SH3RF3: variants seen among roughly 807,000 people sequenced by gnomAD.
SH3RF3 encodes SH3 domain containing ring finger 3.
SH3RF3 carries 29 observed loss-of-function variants against 66.3 expected under a neutral mutation model. The observed-to-expected ratio is 0.44, with a 90% CI of 0.33 to 0.60. The LOEUF (loss-of-function observed/expected upper bound fraction) is 0.60, where lower values mean the gene tolerates loss of function less well. Among genes scored for constraint, SH3RF3 ranks in the 20% least tolerant of loss-of-function variants. The probability of loss-of-function intolerance (pLI) is 0.04; values close to 1 mark genes in which losing one functional copy is unlikely to be tolerated. For synonymous variants in SH3RF3, 583 were observed against 532.0 expected, an observed-to-expected ratio of 1.10 and a Z score of -1.32; for missense variants, 1,194 against 1,190.9, an observed-to-expected ratio of 1.00 and a Z score of -0.04.
At chr2:109,205,796 G>A (rs1678796248) in intron 1 of SH3RF3, among the ~76,000 whole-genome samples, 2 of 152,180 alleles carry the variant, frequency 1.3e-5, no homozygotes, top group South Asian at 4.1e-4. Context: ...GCAGCGGGGG[G>A]ATCAGAGACA....
intron 5 of SH3RF3, among the ~76,000 whole-genome samples, chr2:109,429,711 C>T (rs1038669461): frequency 6.6e-6 from 1 of 152,222 alleles, no homozygotes; most frequent in African/African-American, 2.4e-5. Context: ...CATGCGTGAC[C>T]ATGGACAGAA....
In SH3RF3 at chr2:109,299,423, C is replaced by G. The variant is rs1415112171; in HGVS notation, c.574-48251C>G. Reference sequence around the variant, plus strand: ...CTTGACACATCCTTGAGTGGCCATCCTTAAGATCACCCTAAGGGTGATCTT... The same window carrying G: ...CTTGACACATCCTTGAGTGGCCATCGTTAAGATCACCCTAAGGGTGATCTT... On this transcript the variant is annotated intron_variant, in intron 1 of 9. Coordinates refer to ENST00000309415, the MANE Select transcript of SH3RF3 (RefSeq NM_001099289.3). Among the ~76,000 whole-genome samples the G allele has an allele frequency of 2.7e-5, 4 of 149,808 alleles. No individual in the cohort carries two copies. In the East Asian group the frequency reaches 8.3e-4, roughly 31 times the overall value.
At chr2:109,439,284 T>C (rs1677497802) in intron 7 of SH3RF3, among the ~76,000 whole-genome samples, 1 of 152,038 alleles carries the variant, frequency 6.6e-6, no homozygotes, top group East Asian at 1.9e-4. Flanking sequence ...GTTAAACGGC[T>C]CCCCAGTGCA....
chr2:109,498,983 G>A (rs1044436158), intron 9 of SH3RF3, among the ~76,000 whole-genome samples: 1 of 152,198 alleles, frequency 6.6e-6, no homozygotes, highest in East Asian at 1.9e-4. Context: ...AGTGTGGAGG[G>A]CCTGGGAATG....
intron 1 of SH3RF3, among the ~76,000 whole-genome samples, chr2:109,189,378 T>TC (rs1458629829): frequency 1.7e-4 from 26 of 150,994 alleles, no homozygotes; most frequent in Admixed American, 1.7e-3. Flanking sequence ...TTTTTTTTTT[T>TC]TTTCTTTTTT....
chr2:109,338,529 C>T (rs1318523265), intron 1 of SH3RF3, among the ~76,000 whole-genome samples: 5 of 152,030 alleles, frequency 3.3e-5, no homozygotes, highest in African/African-American at 1.2e-4. Context: ...GGCAACAACC[C>T]CCGGCACAGT....
chr2:109,448,518 G>A (rs543604367), intron 7 of SH3RF3, among the ~76,000 whole-genome samples: 2 of 152,232 alleles, frequency 1.3e-5, no homozygotes, highest in East Asian at 3.9e-4. Context: ...GGTTCTCATA[G>A]GAGAGCAAAC....
chr2:109,214,139 C>T (rs889540840), intron 1 of SH3RF3, among the ~76,000 whole-genome samples: 2 of 152,108 alleles, frequency 1.3e-5, no homozygotes, highest in Non-Finnish European at 2.9e-5. Flanking sequence ...CCCCATGCTG[C>T]GTCTAGGTAG....
chr2:109,447,643 G>C (rs1677747291), intron 7 of SH3RF3, among the ~76,000 whole-genome samples: 1 of 152,096 alleles, frequency 6.6e-6, no homozygotes, highest in Non-Finnish European at 1.5e-5. Flanking sequence ...AACAACCCAG[G>C]ACACAAGTCA....
intron 1 of SH3RF3, among the ~76,000 whole-genome samples, chr2:109,205,701 A>T (rs1678794307): frequency 2.0e-5 from 3 of 152,164 alleles, no homozygotes; most frequent in Admixed American, 2.0e-4. Flanking sequence ...CTCTGGGCAG[A>T]GGTGTTGTTT....
intron 2 of SH3RF3, among the ~76,000 whole-genome samples, chr2:109,364,408 G>A (rs571350849): frequency 6.6e-6 from 1 of 152,306 alleles, no homozygotes; most frequent in African/African-American, 2.4e-5. Context: ...CCCTTAGTAT[G>A]TGAATCATAG....
intron 3 of SH3RF3, among the ~76,000 whole-genome samples, chr2:109,384,649 C>G (rs1264615752): frequency 6.6e-6 from 1 of 152,180 alleles, no homozygotes; most frequent in African/African-American, 2.4e-5. Context: ...GTGCCTGTGT[C>G]CATAGACTCC....
chr2:109,456,538 C>A (rs1678063939), intron 8 of SH3RF3, among the ~76,000 whole-genome samples: 1 of 152,202 alleles, frequency 6.6e-6, no homozygotes. Context: ...AGGGCAGTGG[C>A]CCAGCCTGGT....
At chr2:109,417,227 TCTC>T (rs1676749497) in intron 4 of SH3RF3, among the ~76,000 whole-genome samples, 1 of 152,122 alleles carries the variant, frequency 6.6e-6, no homozygotes, top group Non-Finnish European at 1.5e-5. Flanking sequence ...GGTGACAGCT[TCTC>T]CTTCTCCCTC....
intron 1 of SH3RF3, chr2:109,141,550 A>G (rs910193928): frequency 6.5e-6 from 1 of 154,888 alleles, no homozygotes; most frequent in Non-Finnish European, 1.5e-5. Context: ...AGGCTGACCA[A>G]TTCTTTACAG....
chr2:109,232,211 G>A (rs1419620800), intron 1 of SH3RF3, among the ~76,000 whole-genome samples: 3 of 152,174 alleles, frequency 2.0e-5, no homozygotes, highest in East Asian at 1.9e-4. Context: ...TTACTAAAGT[G>A]GCTGCATCAC....
chr2:109,274,434 A>G (rs978643846), intron 1 of SH3RF3, among the ~76,000 whole-genome samples: 38 of 152,338 alleles, frequency 2.5e-4, no homozygotes, highest in African/African-American at 9.1e-4. Context: ...TGTGCCTGCA[A>G]TGGACTTTTA....
intron 7 of SH3RF3, among the ~76,000 whole-genome samples, chr2:109,445,523 G>C (rs927195275): frequency 1.3e-5 from 2 of 152,186 alleles, no homozygotes; most frequent in Non-Finnish European, 2.9e-5. Flanking sequence ...TAAGTGTAAA[G>C]AAAAATGGGA....
intron 2 of SH3RF3, among the ~76,000 whole-genome samples, chr2:109,362,145 G>A (rs1265325638): frequency 6.6e-6 from 1 of 151,894 alleles, no homozygotes; most frequent in Non-Finnish European, 1.5e-5. Flanking sequence ...GTCCTAAAGT[G>A]AAGATTTAGA....
Sources: allele counts gnomAD v4.1 joint callset (sites outside exome capture counted in the v4.1 genomes callset), GRCh38; gene constraint gnomAD v4.1.1; transcripts MANE v1.5; gene names NCBI Gene and HGNC (gene_info 2026-07-23, HGNC 2026-07-21).